BOC: variants seen among roughly 807,000 people sequenced by gnomAD.
BOC encodes brother of CDO.
Under a neutral mutation model 112.0 loss-of-function variants are expected in BOC, and 76 were observed. The observed-to-expected ratio is 0.68, with a 90% confidence interval of 0.56 to 0.82. The LOEUF is 0.82. Among genes scored for constraint, BOC ranks in the 40% least tolerant of loss-of-function variants. The probability of loss-of-function intolerance (pLI) is 0.00; values close to 1 mark genes in which losing one functional copy is unlikely to be tolerated. For synonymous variants in BOC, 580 were observed against 599.8 expected (o/e 0.97, Z 0.48); for missense variants, 1,309 against 1,511.7 (o/e 0.87, Z 2.22).
Position 113,274,305 on chromosome 3 carries a change from C to A in BOC, c.1235-70C>A. 7.0e-7 allele frequency: 1 copy of A among 1,421,458 alleles called. No homozygotes were observed. The highest frequency in any genetic ancestry group is 9.3e-7 in the Non-Finnish European group (1 of 1,073,162). 88.1% of individuals were successfully genotyped at this position (1,421,458 alleles called of 1,614,324 possible). A position where few individuals can be genotyped will look rare whatever the true frequency, so the allele number is the denominator to read the frequency against. On this transcript the variant is annotated intron_variant, in intron 8 of 19. Transcript: ENST00000682979. This position sits in a 1 kb window ranked among gnomAD's most constrained non-coding sequence, Gnocchi z 4.8. The stretch of plus-strand genomic sequence containing the variant: ...CTCTCTGTCTTCTTTCTGTTTTCTC[C>A]CCAGGAACAACAGCTCAGCAGGTAA...
chr3:113,218,735 G>T (rs1161380955), intron 2 of BOC, among the ~76,000 whole-genome samples: 1 of 152,206 alleles, frequency 6.6e-6, no homozygotes, highest in Non-Finnish European at 1.5e-5. Flanking sequence ...AGTTTTTGTG[G>T]TCTGCCATCT....
chr3:113,251,088 T>A lies in BOC; in HGVS notation c.376+255T>A, dbSNP rs1945578228. On this transcript the variant is annotated intron_variant, in intron 4 of 19. Coordinates refer to ENST00000682979, the MANE Select transcript of BOC (RefSeq NM_001378074.1). Reference sequence around the variant, plus strand: ...ACAGAGAGGGGAATTGGTCAGTGCATGGCAGAACTTGACATGGCAGAACTG... The same window carrying A: ...ACAGAGAGGGGAATTGGTCAGTGCAAGGCAGAACTTGACATGGCAGAACTG... 6 of 603,176 alleles carry A rather than the reference T, an allele frequency of 9.9e-6. No homozygotes were observed. In the South Asian group the frequency reaches 1.2e-4, roughly 12 times the overall value. 37.4% of individuals were successfully genotyped at this position (603,176 alleles called of 1,614,324 possible).
intron 9 of BOC, 145 bp from the exon 10 acceptor site, chr3:113,277,950 G>A: frequency 9.5e-7 from 1 of 1,047,962 alleles, no homozygotes. Flanking sequence ...GCCAGTCCGA[G>A]GCTGTGCCAC....
intron 2 of BOC, among the ~76,000 whole-genome samples, chr3:113,240,045 G>A (rs988069355): frequency 2.0e-5 from 3 of 152,124 alleles, no homozygotes; most frequent in South Asian, 2.1e-4. Flanking sequence ...GCTGGCTTCC[G>A]GATAGCATTT....
At chr3:113,247,907 C>T (rs1284749171) in intron 2 of BOC, among the ~76,000 whole-genome samples, 1 of 152,202 alleles carries the variant, frequency 6.6e-6, no homozygotes, top group East Asian at 1.9e-4. Flanking sequence ...CTTAACTTGC[C>T]AGGAAATAAC....
chr3:113,221,425 C>T (rs1940626179), intron 2 of BOC, among the ~76,000 whole-genome samples: 1 of 152,200 alleles, frequency 6.6e-6, no homozygotes, highest in Admixed American at 6.5e-5. Context: ...CCGTTCGATG[C>T]CAGTCCTTGG....
intron 2 of BOC, among the ~76,000 whole-genome samples, chr3:113,224,061 C>A (rs909954465): frequency 1.3e-5 from 2 of 152,240 alleles, no homozygotes; most frequent in African/African-American, 4.8e-5. Context: ...GGGCTGTTTG[C>A]CTTCCTCCTC....
rs1448866395 is a variant in BOC, at chr3:113,278,742, G to C, written c.1775G>C (p.Ser592Thr). Residue 592 changes from serine to threonine, a missense_variant, in exon 11 of 20, where the codon AGT (serine) becomes ACT (threonine). Physicochemically the swap from Ser to Thr is moderately conservative, Grantham distance 58 (BLOSUM62 1). Transcript: ENST00000682979. This position sits in a 1 kb window ranked among gnomAD's most constrained non-coding sequence, Gnocchi z 4.2. ...QQIQRDDPGASPQSSSQPDHG... is the reference protein window; with the variant it reads ...QQIQRDDPGATPQSSSQPDHG... ...ATCCAGAGAGACGACCCTGGAGCCA[G>C]TCCCCAGAGCAGCAGCCAGCCAGAC... 2.6e-6 allele frequency: 4 copies of C among 1,565,596 alleles called. No individual in the cohort carries two copies. In the South Asian group the frequency reaches 4.7e-5, roughly 18 times the overall value.
At chr3:113,235,060 G>T (rs1180358336) in intron 2 of BOC, among the ~76,000 whole-genome samples, 1 of 152,210 alleles carries the variant, frequency 6.6e-6, no homozygotes, top group African/African-American at 2.4e-5. Flanking sequence ...TTTCCTTTGT[G>T]TAAGACATAG....
intron 4 of BOC, among the ~76,000 whole-genome samples, chr3:113,260,789 G>T (rs1260457610): frequency 1.6e-5 from 2 of 125,092 alleles, no homozygotes; most frequent in African/African-American, 7.0e-5. Flanking sequence ...TTCACCATTA[G>T]AGGGTGAACC....
chr3:113,274,315 A>G lies in BOC; in HGVS notation c.1235-60A>G. ...TCTTTCTGTTTTCTCCCCAGGAACA[A>G]CAGCTCAGCAGGTAAACCAGGAGAC... is the stretch of plus-strand genomic sequence containing the variant. On this transcript the variant is annotated intron_variant, in intron 8 of 19. Transcript: ENST00000682979. The surrounding 1 kb of genome is among the most constrained non-coding windows in gnomAD (Gnocchi z 4.8). The G allele has an allele frequency of 2.1e-6, 3 of 1,443,730 alleles. No individual in the cohort carries two copies. Among genetic ancestry groups the G allele is most frequent in the Non-Finnish European group, 2.7e-6 (3 of 1,092,328 alleles). The allele number at this position is 1,443,730 out of a possible 1,614,324, so 89.4% of individuals were successfully genotyped here.
intron 2 of BOC, among the ~76,000 whole-genome samples, chr3:113,235,609 G>A (rs947838800): frequency 2.6e-5 from 4 of 152,178 alleles, no homozygotes; most frequent in Admixed American, 2.6e-4. Flanking sequence ...GTGGGGGAAG[G>A]TGAAGAGGTT....
At chr3:113,217,898 T>G (rs930422940) in intron 2 of BOC, among the ~76,000 whole-genome samples, 1 of 152,214 alleles carries the variant, frequency 6.6e-6, no homozygotes, top group African/African-American at 2.4e-5. Context: ...AGTGTGTGTT[T>G]TTGTAAAAAT....
At position 113,274,662 on chromosome 3, in the gene BOC, T is replaced by G; in HGVS notation, c.1522T>G (p.Tyr508Asp). The change falls in exon 9 of 20, where the codon TAT becomes GAT. Residue 508 changes from tyrosine (Y) to aspartate (D), a missense_variant. Physicochemically the swap from Tyr to Asp is radical, Grantham distance 160. Coordinates refer to ENST00000682979, the MANE Select transcript of BOC (RefSeq NM_001378074.1). This position sits in a 1 kb window ranked among gnomAD's most constrained non-coding sequence, Gnocchi z 4.8. ...EGSGRAPILY[Y>D]VVKHRKQVTN... Reference sequence around the variant, plus strand: ...CAGTGGCCGGGCGCCAATCCTCTACTATGTGGTGAAACACCGCAAGGTATG... The same window carrying G: ...CAGTGGCCGGGCGCCAATCCTCTACGATGTGGTGAAACACCGCAAGGTATG... 6.2e-7 allele frequency: 1 copy of G among 1,600,044 alleles called. No individual in the cohort carries two copies. Among genetic ancestry groups the G allele is most frequent in the Non-Finnish European group, 8.5e-7 (1 of 1,169,764 alleles).
chr3:113,277,621 T>C (rs1160311010), intron 9 of BOC, among the ~76,000 whole-genome samples: 1 of 152,264 alleles, frequency 6.6e-6, no homozygotes, highest in African/African-American at 2.4e-5. Context: ...CTTAGTTCCA[T>C]GCATAGCACA....
intron 2 of BOC, among the ~76,000 whole-genome samples, chr3:113,234,830 TC>T (rs1157033666): frequency 3.3e-5 from 5 of 152,232 alleles, no homozygotes; most frequent in African/African-American, 1.2e-4. Flanking sequence ...TTTGGATGAT[TC>T]GGGGGAAATT....
At position 113,286,727 on chromosome 3, in the gene BOC, C is replaced by T. The variant is rs1949734986; in HGVS notation, c.3213C>T (p.Asp1071=). 1.2e-6 allele frequency: 2 copies of T among 1,613,512 alleles called. No homozygotes were observed. Among genetic ancestry groups the T allele is most frequent in the Admixed American group, 3.3e-5 (2 of 59,978 alleles). ...LVPVEEVDSP[D]SCQVSGGDWC... is the part of the protein sequence containing the mutation. ...CAGTTGAAGAGGTGGACAGTCCTGA[C>T]TCCTGCCAAGTGAGTGGAGGAGACT... The change falls in exon 20 of 20, where the codon GAC becomes GAT. Residue 1071 remains aspartate, a synonymous_variant. Coordinates refer to ENST00000682979, the MANE Select transcript of BOC (RefSeq NM_001378074.1).
In BOC at chr3:113,272,394, C is replaced by G. The variant is rs540827751; in HGVS notation, c.668-16C>G. On this transcript the variant is annotated splice_polypyrimidine_tract_variant and intron_variant, in intron 6 of 19. Coordinates refer to ENST00000682979, the MANE Select transcript of BOC (RefSeq NM_001378074.1). Reference sequence around the variant, plus strand: ...GGTCCACACGCCTTCTGTCCTTGCCCTCCTTGCCCCTCCAGGCTCCACCGC... The same window carrying G: ...GGTCCACACGCCTTCTGTCCTTGCCGTCCTTGCCCCTCCAGGCTCCACCGC... The G allele has an allele frequency of 3.7e-6, 6 of 1,610,532 alleles. No individual in the cohort carries two copies. Among genetic ancestry groups the G allele is most frequent in the Non-Finnish European group, 5.1e-6 (6 of 1,177,570 alleles).
At chr3:113,217,526 C>A (rs1485381232) in intron 2 of BOC, among the ~76,000 whole-genome samples, 6 of 149,812 alleles carry the variant, frequency 4.0e-5, no homozygotes. Flanking sequence ...GACCCTATCT[C>A]AAAAAAAAAA....
Sources: allele counts gnomAD v4.1 joint callset (sites outside exome capture counted in the v4.1 genomes callset), GRCh38; gene constraint gnomAD v4.1.1; non-coding constraint Gnocchi (gnomAD v3.1); transcripts MANE v1.5; gene names NCBI Gene and HGNC (gene_info 2026-07-23, HGNC 2026-07-21).